Variants in ZNF618 observed in about 807,000 individuals in gnomAD.
ZNF618 encodes neural precursor cell expressed, developmentally down-regulated 10.
A neutral mutation model predicts 103.0 loss-of-function variants in ZNF618; 34 were observed. The observed-to-expected ratio is 0.33, with a 90% CI of 0.25 to 0.44. The LOEUF (loss-of-function observed/expected upper bound fraction) is 0.44, where lower values mean the gene tolerates loss of function less well. Ranked by LOEUF, ZNF618 falls within the 20% of genes least tolerant of loss-of-function variation. The pLI, the probability that ZNF618 is intolerant of heterozygous loss-of-function variation, is 1.00. For synonymous variants in ZNF618, 551 were observed against 542.2 expected (o/e 1.02, Z -0.23); for missense variants, 1,059 against 1,295.4 (o/e 0.82, Z 2.80).
chr9:114,008,451 G>A (rs1020501874), intron 8 of ZNF618, 26 bp from the exon 9 acceptor site: 2 of 1,613,844 alleles, frequency 1.2e-6, no homozygotes, highest in African/African-American at 1.3e-5. Flanking sequence ...GGACCAGGGT[G>A]CTAAGGGCCG....
chr9:114,024,630 C>T (rs1209109032), intron 10 of ZNF618, among the ~76,000 whole-genome samples: 1 of 152,156 alleles, frequency 6.6e-6, no homozygotes, highest in Non-Finnish European at 1.5e-5. Context: ...TAGCTGAATG[C>T]CTGAAGTATT....
At position 113,988,325 on chromosome 9, in the gene ZNF618, C is replaced by T. The variant is rs1325757393; in HGVS notation, c.82C>T (p.Arg28Cys). ...ACGGAGTTTCTTCTTTCCCAGGGAG[C>T]GCTTGAAGCGCAGCCAGAAGAGCAC... ...AGRKSTASRE[R>C]LKRSQKSTKV... Residue 28 changes from arginine to cysteine, a missense_variant, in exon 3 of 15, where the codon CGC becomes TGC. Arg to Cys is a radical substitution (Grantham distance 180). Coordinates refer to ENST00000374126, the MANE Select transcript of ZNF618 (RefSeq NM_001318042.2). 5.6e-6 allele frequency: 9 copies of T among 1,610,770 alleles called. No individual in the cohort carries two copies. Among genetic ancestry groups the T allele is most frequent in the Middle Eastern group, 1.6e-4 (1 of 6,068 alleles).
chr9:113,974,394 G>A (rs188349110), intron 2 of ZNF618, among the ~76,000 whole-genome samples: 128 of 152,342 alleles, frequency 8.4e-4, no homozygotes, highest in Middle Eastern at 6.8e-3. Flanking sequence ...CTTGGAGACC[G>A]TTGTCAGGAC....
At chr9:114,015,211 A>G (rs1316183951) in intron 9 of ZNF618, among the ~76,000 whole-genome samples, 1 of 152,222 alleles carries the variant, frequency 6.6e-6, no homozygotes, top group Non-Finnish European at 1.5e-5. Context: ...TAAACAGACT[A>G]ATAAACCAAT....
chr9:114,031,657 T>C (rs886898393), intron 11 of ZNF618, among the ~76,000 whole-genome samples: 22 of 152,164 alleles, frequency 1.4e-4, no homozygotes, highest in African/African-American at 4.3e-4. Flanking sequence ...GAACCCCTCT[T>C]ATGTTTGGGG....
chr9:113,997,233 A>C (rs900592149), intron 3 of ZNF618, among the ~76,000 whole-genome samples: 51 of 151,914 alleles, frequency 3.4e-4, no homozygotes, highest in Non-Finnish European at 4.4e-5. Context: ...TCAGCCTCCC[A>C]AGTAGCTGGG....
chr9:113,948,116 G>T (rs1337346158), intron 1 of ZNF618, among the ~76,000 whole-genome samples: 1 of 152,192 alleles, frequency 6.6e-6, no homozygotes, highest in East Asian at 1.9e-4. Flanking sequence ...GGATTTCAAT[G>T]AGTCTTTCTG....
intron 1 of ZNF618, among the ~76,000 whole-genome samples, chr9:113,889,581 A>G (rs1459569182): frequency 1.3e-5 from 2 of 152,190 alleles, no homozygotes; most frequent in African/African-American, 4.8e-5. Flanking sequence ...GCAGGACATC[A>G]ACTCCATCTG....
chr9:113,890,797 C>T (rs1162184193), intron 1 of ZNF618, among the ~76,000 whole-genome samples: 1 of 152,096 alleles, frequency 6.6e-6, no homozygotes, highest in Non-Finnish European at 1.5e-5. Context: ...TCTTTGATGG[C>T]CTGATGGGCA....
Position 114,050,460 on chromosome 9 carries a change from A to G in ZNF618, c.*293A>G, listed in dbSNP as rs1846064760. The G allele has an allele frequency of 3.3e-6, 1 of 299,388 alleles. No individual in the cohort carries two copies. Among genetic ancestry groups the G allele is most frequent in the Non-Finnish European group, 6.2e-6 (1 of 162,290 alleles). The allele number at this position is 299,388 out of a possible 1,614,324, so 18.5% of individuals were successfully genotyped here. A position where few individuals can be genotyped will look rare whatever the true frequency, so the allele number is the denominator to read the frequency against. On this transcript the variant is annotated 3_prime_UTR_variant, in exon 15 of 15. Transcript: ENST00000374126. ...CACACACGCACACACACACACACAC[A>G]CACACACACACACACGACCCTGGTG...
intron 1 of ZNF618, among the ~76,000 whole-genome samples, chr9:113,955,652 T>C (rs1475174961): frequency 6.6e-6 from 1 of 152,110 alleles, no homozygotes; most frequent in African/African-American, 2.4e-5. Flanking sequence ...AGTTTGAGCA[T>C]GTGTTCCAGA....
chr9:113,965,077 T>C (rs1837262141), intron 1 of ZNF618, among the ~76,000 whole-genome samples: 1 of 151,976 alleles, frequency 6.6e-6, no homozygotes, highest in Non-Finnish European at 1.5e-5. Context: ...TTCAGCTGTT[T>C]CTGCTTGGAT....
chr9:113,925,577 CT>C (rs1189929074), intron 1 of ZNF618, among the ~76,000 whole-genome samples: 1 of 151,142 alleles, frequency 6.6e-6, no homozygotes, highest in East Asian at 1.9e-4. Context: ...TGCCCTTGTT[CT>C]TTGTTTCTTC....
At chr9:113,955,808 T>A (rs1315311363) in intron 1 of ZNF618, among the ~76,000 whole-genome samples, 1 of 152,180 alleles carries the variant, frequency 6.6e-6, no homozygotes, top group Non-Finnish European at 1.5e-5. Context: ...TCTTCTTTCT[T>A]CTTTGATGTC....
chr9:113,907,261 C>G (rs2131364587), intron 1 of ZNF618, among the ~76,000 whole-genome samples: 1 of 152,330 alleles, frequency 6.6e-6, no homozygotes. Context: ...TGAGATAGTT[C>G]TGTACTGTAA....
At chr9:113,934,959 G>A (rs1311730767) in intron 1 of ZNF618, among the ~76,000 whole-genome samples, 2 of 152,204 alleles carry the variant, frequency 1.3e-5, no homozygotes, top group African/African-American at 4.8e-5. Flanking sequence ...GGGGCGTGGG[G>A]CTCAGCATGG....
chr9:113,882,219 A>G (rs945673905), intron 1 of ZNF618, among the ~76,000 whole-genome samples: 5 of 152,228 alleles, frequency 3.3e-5, no homozygotes, highest in African/African-American at 1.2e-4. Flanking sequence ...CCCAATTGGG[A>G]AAATGGAAAG....
intron 4 of ZNF618, 102 bp from the exon 5 acceptor site, chr9:114,001,876 AGGGACCATCTCTGCCCCT>A: frequency 1.2e-6 from 1 of 866,616 alleles, no homozygotes; most frequent in Non-Finnish European, 1.9e-6. Flanking sequence ...CCTCCTTGCC[AGGGACCATCTCTGCCCCT>A]GGGACAGAGA....
intron 1 of ZNF618, among the ~76,000 whole-genome samples, chr9:113,946,896 G>C (rs1161987740): frequency 1.3e-5 from 2 of 152,160 alleles, no homozygotes; most frequent in Non-Finnish European, 2.9e-5. Flanking sequence ...GTGTTTGCTT[G>C]TTTCCAGTTG....
Sources: gnomAD v4.1 joint callset for allele counts (sites outside exome capture counted in the v4.1 genomes callset) on GRCh38, gnomAD v4.1.1 for gene constraint, MANE v1.5 for transcripts, NCBI Gene and HGNC (gene_info 2026-07-23, HGNC 2026-07-21) for gene names.